Variants in LRRC4C observed in about 807,000 individuals in gnomAD.
LRRC4C encodes leucine-rich repeat-containing protein 4C.
LRRC4C carries 5 observed loss-of-function variants against 33.6 expected under a neutral mutation model. The ratio of observed to expected loss-of-function variants is 0.15; its 90% CI spans 0.08 to 0.31. The LOEUF (loss-of-function observed/expected upper bound fraction) is 0.31. Among genes scored for constraint, LRRC4C ranks in the 10% least tolerant of loss-of-function variants. The pLI is 1.00. For synonymous variants in LRRC4C, 329 were observed against 302.0 expected, an observed-to-expected ratio of 1.09 and a Z score of -0.93; for missense variants, 560 against 796.7, an observed-to-expected ratio of 0.70 and a Z score of 3.58.
chr11:40,994,007 C>A (rs1337098988), intron 1 of LRRC4C, among the ~76,000 whole-genome samples: 1 of 151,350 alleles, frequency 6.6e-6, no homozygotes, highest in Admixed American at 6.6e-5. Flanking sequence ...ATGGGGCATA[C>A]TACTGTTACT....
At chr11:40,358,077 G>A (rs1947757336) in intron 3 of LRRC4C, among the ~76,000 whole-genome samples, 1 of 152,066 alleles carries the variant, frequency 6.6e-6, no homozygotes, top group Non-Finnish European at 1.5e-5. Context: ...CAGCTACTTG[G>A]GAGGTTGAGT....
chr11:40,575,658 A>G (rs746046257), intron 3 of LRRC4C, among the ~76,000 whole-genome samples: 1 of 152,212 alleles, frequency 6.6e-6, no homozygotes, highest in Non-Finnish European at 1.5e-5. Flanking sequence ...TTCTACTTAT[A>G]AAATGAATAA....
chr11:40,738,034 T>A (rs971463924), intron 2 of LRRC4C, among the ~76,000 whole-genome samples: 2 of 151,988 alleles, frequency 1.3e-5, no homozygotes, highest in African/African-American at 2.4e-5. Context: ...TCTAGACCAA[T>A]GGAACAGAAC....
chr11:40,754,973 C>T (rs1315276382), intron 2 of LRRC4C, among the ~76,000 whole-genome samples: 1 of 152,078 alleles, frequency 6.6e-6, no homozygotes, highest in Non-Finnish European at 1.5e-5. Flanking sequence ...CATGCTCACA[C>T]ATGCTTAAAA....
Position 40,115,555 on chromosome 11 carries a change from T to C in LRRC4C, c.738A>G (p.Gln246=), listed in dbSNP as rs1013960922. The C allele has an allele frequency of 6.2e-7, 1 of 1,614,066 alleles. No homozygotes were observed. The highest frequency in any genetic ancestry group is 8.5e-7 in the Non-Finnish European group (1 of 1,180,036). ...PGSFQGLMHL[Q]KLWMIQSQIQ... ...TCTGGGACTGTATCATCCACAGTTT[T>C]TGAAGGTGCATCAAACCCTGGAAAG... The change falls in exon 7 of 7, where the codon CAA becomes CAG. Residue 246 remains glutamine, a synonymous_variant. Transcript: ENST00000528697. This position sits in a 1 kb window ranked among gnomAD's most constrained non-coding sequence, Gnocchi z 6.7.
chr11:41,218,888 C>T (rs1042586392), intron 1 of LRRC4C, among the ~76,000 whole-genome samples: 6 of 151,592 alleles, frequency 4.0e-5, no homozygotes, highest in African/African-American at 1.5e-4. Context: ...CTGCCTCAGC[C>T]TCCAGAGTAG....
chr11:41,172,651 A>G (rs1211542085), intron 1 of LRRC4C, among the ~76,000 whole-genome samples: 1 of 152,134 alleles, frequency 6.6e-6, no homozygotes, highest in Non-Finnish European at 1.5e-5. Flanking sequence ...TTATTTCATT[A>G]AAATTCCTCT....
chr11:41,011,795 A>G (rs1855204702), intron 1 of LRRC4C, among the ~76,000 whole-genome samples: 1 of 25,830 alleles, frequency 3.9e-5, no homozygotes, highest in Admixed American at 5.2e-4. Flanking sequence ...TTTGCACTTA[A>G]AATTAAAAAA....
At chr11:41,350,342 C>G (rs1290902647) in intron 1 of LRRC4C, among the ~76,000 whole-genome samples, 1 of 151,932 alleles carries the variant, frequency 6.6e-6, no homozygotes, top group Non-Finnish European at 1.5e-5. Flanking sequence ...AACCCTGTCT[C>G]CACTAAAAAC....
intron 1 of LRRC4C, among the ~76,000 whole-genome samples, chr11:40,935,935 A>C (rs559317286): frequency 6.7e-6 from 1 of 148,232 alleles, no homozygotes; most frequent in Admixed American, 6.8e-5. Context: ...CCATCTTTAA[A>C]GGGAGCTGAG....
intron 1 of LRRC4C, among the ~76,000 whole-genome samples, chr11:40,939,766 G>A (rs968329237): frequency 2.0e-5 from 3 of 152,164 alleles, no homozygotes; most frequent in Non-Finnish European, 4.4e-5. Flanking sequence ...CTGAGTAAAT[G>A]TTTCCAGTAT....
chr11:41,342,814 T>TA (rs1951683617), intron 1 of LRRC4C, among the ~76,000 whole-genome samples: 1 of 152,182 alleles, frequency 6.6e-6, no homozygotes, highest in Non-Finnish European at 1.5e-5. Flanking sequence ...AGGGCTGCTG[T>TA]AAAAAAGTAC....
chr11:41,141,389 C>T (rs563705731), intron 1 of LRRC4C, among the ~76,000 whole-genome samples: 1 of 152,038 alleles, frequency 6.6e-6, no homozygotes, highest in South Asian at 2.1e-4. Context: ...AAAAAAGATC[C>T]AACTGCTCAT....
chr11:40,860,796 T>C (rs1954054479), intron 2 of LRRC4C, among the ~76,000 whole-genome samples: 2 of 140,284 alleles, frequency 1.4e-5, no homozygotes, highest in African/African-American at 2.7e-5. Context: ...TTTTTTTTTT[T>C]TTTTTTTTTT....
chr11:40,530,373 C>G (rs16934906), intron 3 of LRRC4C, among the ~76,000 whole-genome samples: 13,362 of 152,006 alleles, frequency 0.088, 1,665 homozygotes, highest in African/African-American at 0.28. Context: ...GATAGTTTTA[C>G]AGTCAGGAAG....
At chr11:40,258,990 T>C (rs1384900250) in intron 4 of LRRC4C, among the ~76,000 whole-genome samples, 1 of 152,212 alleles carries the variant, frequency 6.6e-6, no homozygotes, top group Non-Finnish European at 1.5e-5. Context: ...ACCTGGCATG[T>C]ATTAACTTGT....
intron 2 of LRRC4C, among the ~76,000 whole-genome samples, chr11:40,789,271 T>G (rs1950538365): frequency 1.3e-5 from 2 of 152,074 alleles, no homozygotes; most frequent in African/African-American, 4.8e-5. Flanking sequence ...ATTCTGTTAT[T>G]ATAAGTATAG....
At chr11:41,212,442 T>C (rs768941155) in intron 1 of LRRC4C, among the ~76,000 whole-genome samples, 2 of 152,260 alleles carry the variant, frequency 1.3e-5, no homozygotes, top group African/African-American at 2.4e-5. Flanking sequence ...CAGGGGTACA[T>C]GTGCATGATG....
At chr11:40,228,003 C>G (rs1366095491) in intron 5 of LRRC4C, among the ~76,000 whole-genome samples, 1 of 152,152 alleles carries the variant, frequency 6.6e-6, no homozygotes, top group African/African-American at 2.4e-5. Context: ...AAAACTGAAG[C>G]TGACAGACAT....
Sources: allele counts gnomAD v4.1 joint callset (sites outside exome capture counted in the v4.1 genomes callset), GRCh38; gene constraint gnomAD v4.1.1; non-coding constraint Gnocchi (gnomAD v3.1); transcripts MANE v1.5; gene names NCBI Gene and HGNC (gene_info 2026-07-23, HGNC 2026-07-21).